Variants in LCLAT1 observed in about 807,000 individuals in gnomAD.
The protein encoded by LCLAT1 is 1-AGP acyltransferase 8.
In LCLAT1, 11 loss-of-function variants were observed where a neutral mutation model predicts 30.7. The observed-to-expected ratio is 0.36, with a 90% CI of 0.23 to 0.59. The LOEUF (loss-of-function observed/expected upper bound fraction) is 0.59. Among genes scored for constraint, LCLAT1 ranks in the 20% least tolerant of loss-of-function variants. The pLI is 0.77. For synonymous variants in LCLAT1, 155 were observed against 151.3 expected (o/e 1.02, Z -0.18); for missense variants, 402 against 458.6 (o/e 0.88, Z 1.13).
intron 4 of LCLAT1, among the ~76,000 whole-genome samples, chr2:30,567,117 T>A (rs1005647175): frequency 3.3e-5 from 5 of 152,206 alleles, no homozygotes; most frequent in Non-Finnish European, 5.9e-5. Flanking sequence ...TTTGTTAGTG[T>A]CTTAGTTTTA....
At chr2:30,467,160 A>G (rs575422950) in intron 1 of LCLAT1, among the ~76,000 whole-genome samples, 38 of 152,228 alleles carry the variant, frequency 2.5e-4, no homozygotes, top group South Asian at 1.0e-3. Context: ...TCATTGTTCA[A>G]TTCCCACCTA....
chr2:30,469,501 C>T (rs573271301), intron 1 of LCLAT1, among the ~76,000 whole-genome samples: 4 of 151,352 alleles, frequency 2.6e-5, no homozygotes, highest in South Asian at 2.1e-4. Context: ...TTTGCACCCT[C>T]GTTGAAAATC....
chr2:30,457,939 T>G (rs1315670978), intron 1 of LCLAT1, among the ~76,000 whole-genome samples: 2 of 152,178 alleles, frequency 1.3e-5, no homozygotes, highest in African/African-American at 2.4e-5. Context: ...AGTTACACAC[T>G]TCTCATAGTA....
At chr2:30,494,042 T>A (rs934286911) in intron 1 of LCLAT1, among the ~76,000 whole-genome samples, 7 of 151,618 alleles carry the variant, frequency 4.6e-5, no homozygotes, top group Non-Finnish European at 7.4e-5. Flanking sequence ...AATAAATAAA[T>A]AATAAATAAA....
At chr2:30,544,334 A>G (rs1454330919) in intron 3 of LCLAT1, among the ~76,000 whole-genome samples, 1 of 152,160 alleles carries the variant, frequency 6.6e-6, no homozygotes, top group Non-Finnish European at 1.5e-5. Flanking sequence ...CTGCTTAAGG[A>G]CTTTTTTTCC....
At chr2:30,613,288 G>A (rs4951998) in intron 5 of LCLAT1, among the ~76,000 whole-genome samples, 19,724 of 152,080 alleles carry the variant, frequency 0.13, 1,380 homozygotes, top group South Asian at 0.22. Context: ...GATTGTGACT[G>A]ACATTATTAA....
chr2:30,565,380 TC>T (rs1665432374), intron 4 of LCLAT1, among the ~76,000 whole-genome samples: 1 of 152,200 alleles, frequency 6.6e-6, no homozygotes, highest in African/African-American at 2.4e-5. Context: ...TGGGGCCTAC[TC>T]CCATTGTGGA....
intron 5 of LCLAT1, among the ~76,000 whole-genome samples, chr2:30,611,706 C>G (rs1463909603): frequency 6.6e-6 from 1 of 152,086 alleles, no homozygotes; most frequent in Non-Finnish European, 1.5e-5. Flanking sequence ...GGTCTGGGCT[C>G]TGGGCATAGC....
chr2:30,458,485 G>A (rs959011495), intron 1 of LCLAT1, among the ~76,000 whole-genome samples: 3 of 152,204 alleles, frequency 2.0e-5, no homozygotes, highest in Non-Finnish European at 4.4e-5. Flanking sequence ...TAGCTGTTGG[G>A]AGTTTCAAGA....
chr2:30,622,190 G>C (rs1156754935), intron 5 of LCLAT1, among the ~76,000 whole-genome samples: 3 of 152,076 alleles, frequency 2.0e-5, no homozygotes, highest in Non-Finnish European at 4.4e-5. Context: ...TAATCCACCT[G>C]AGAACATAAG....
At position 30,640,793 on chromosome 2, in the gene LCLAT1, T is replaced by TA. The variant is rs1471035249; in HGVS notation, c.*176dup. On this transcript the variant is annotated 3_prime_UTR_variant, in exon 6 of 6. Transcript: ENST00000379509. ...GGAAAAATATTGCTACAATTTTTTT[T>TA]AATCTCTGAATGTAATTTCGATACT... 1.2e-5 allele frequency: 9 copies of TA among 764,834 alleles called. No individual in the cohort carries two copies. The highest frequency in any genetic ancestry group is 8.8e-5 in the African/African-American group (5 of 56,652). The allele number at this position is 764,834 out of a possible 1,614,324, so 47.4% of individuals were successfully genotyped here.
intron 4 of LCLAT1, among the ~76,000 whole-genome samples, chr2:30,565,776 A>G (rs936483554): frequency 2.6e-5 from 4 of 152,194 alleles, no homozygotes; most frequent in Admixed American, 6.5e-5. Flanking sequence ...ATAAGGCAGG[A>G]TAAGGAGAGA....
chr2:30,631,675 T>A (rs1041131947), intron 5 of LCLAT1, among the ~76,000 whole-genome samples: 3 of 152,236 alleles, frequency 2.0e-5, no homozygotes, highest in Admixed American at 2.0e-4. Flanking sequence ...AAAATATTCC[T>A]TGCAAATTTC....
chr2:30,495,220 C>G (rs1684049035), intron 1 of LCLAT1, among the ~76,000 whole-genome samples: 1 of 152,096 alleles, frequency 6.6e-6, no homozygotes, highest in African/African-American at 2.4e-5. Context: ...TTCTTGCCCA[C>G]AAATCATTAT....
intron 2 of LCLAT1, among the ~76,000 whole-genome samples, chr2:30,532,224 A>G (rs781629687): frequency 7.9e-5 from 12 of 151,832 alleles, no homozygotes; most frequent in South Asian, 2.1e-4. Context: ...TTGTTGTATC[A>G]TTTTTCCATT....
intron 1 of LCLAT1, among the ~76,000 whole-genome samples, chr2:30,516,088 C>T (rs1685165594): frequency 6.6e-6 from 1 of 152,138 alleles, no homozygotes; most frequent in Non-Finnish European, 1.5e-5. Context: ...ACAGAGAGCT[C>T]ACTAAAATAC....
chr2:30,597,667 C>G (rs1666988456), intron 5 of LCLAT1, among the ~76,000 whole-genome samples: 2 of 152,180 alleles, frequency 1.3e-5, no homozygotes, highest in African/African-American at 2.4e-5. Flanking sequence ...TTGGCCAGAA[C>G]TTCCATTACT....
chr2:30,489,840 C>T (rs1683752273), intron 1 of LCLAT1, among the ~76,000 whole-genome samples: 1 of 152,212 alleles, frequency 6.6e-6, no homozygotes, highest in Non-Finnish European at 1.5e-5. Flanking sequence ...AGCAACCCAC[C>T]ATTACACTTA....
intron 3 of LCLAT1, among the ~76,000 whole-genome samples, chr2:30,555,937 A>G (rs1201714420): frequency 4.1e-5 from 6 of 148,128 alleles, no homozygotes; most frequent in Non-Finnish European, 8.9e-5. Flanking sequence ...TCCTGGTTTC[A>G]TGCCATTCTC....
Sources: allele counts gnomAD v4.1 joint callset (sites outside exome capture counted in the v4.1 genomes callset), GRCh38; gene constraint gnomAD v4.1.1; transcripts MANE v1.5; gene names NCBI Gene and HGNC (gene_info 2026-07-23, HGNC 2026-07-21).